TMEM117: variants seen among roughly 807,000 people sequenced by gnomAD.
The protein encoded by TMEM117 is transmembrane protein 117.
A neutral mutation model predicts 52.4 loss-of-function variants in TMEM117; 27 were observed. The observed-to-expected ratio is 0.51, with a 90% CI of 0.38 to 0.71. The LOEUF (loss-of-function observed/expected upper bound fraction) is 0.71. Ranked by LOEUF, TMEM117 falls within the 30% of genes least tolerant of loss-of-function variation. The pLI is 0.00. For missense variants in TMEM117, 556 were observed against 630.5 expected (o/e 0.88, Z 1.26); for synonymous variants, 215 against 206.3 (o/e 1.04, Z -0.36).
chr12:44,209,186 G>T (rs911020204), intron 4 of TMEM117, among the ~76,000 whole-genome samples: 2 of 152,054 alleles, frequency 1.3e-5, no homozygotes, highest in African/African-American at 4.8e-5. Flanking sequence ...GAGAAGTTAC[G>T]ATATAAAGCT....
In TMEM117 at chr12:43,895,060, T is replaced by A. The variant is rs144621269; in HGVS notation, c.278-49150T>A. 5.9e-3 allele frequency among the ~76,000 whole-genome samples: 898 copies of A among 152,322 alleles called. 9 individuals are homozygous for A. The highest frequency in any genetic ancestry group is 0.02 in the African/African-American group (823 of 41,568). On this transcript the variant is annotated intron_variant, in intron 2 of 7. Coordinates refer to ENST00000266534, the MANE Select transcript of TMEM117 (RefSeq NM_032256.3). ...TTGTTACATAAGTAAACTTGTGTCATGGGGGTTTGTTGTGCAGATTATTTC... is the reference window on the plus strand; with the variant it reads ...TTGTTACATAAGTAAACTTGTGTCAAGGGGGTTTGTTGTGCAGATTATTTC...
rs557271028 is a variant in TMEM117, at chr12:44,340,029, G to A, written c.769-36566G>A. Among the ~76,000 whole-genome samples, 8 of 152,092 alleles carry A rather than the reference G, an allele frequency of 5.3e-5. No individual in the cohort carries two copies. In the East Asian group the frequency reaches 5.8e-4, roughly 11 times the overall value. Reference sequence around the variant, plus strand: ...GCTAAAATAGTTTTTGCATTAAAAAGAAATAGAGAAGTTAACTGGATTAGG... The same window carrying A: ...GCTAAAATAGTTTTTGCATTAAAAAAAAATAGAGAAGTTAACTGGATTAGG... On this transcript the variant is annotated intron_variant, in intron 6 of 7. Transcript: ENST00000266534.
rs1943172611 is a variant in TMEM117, at chr12:43,844,814, A to G, written c.163A>G (p.Thr55Ala). 1 of 1,614,068 alleles carries G rather than the reference A, an allele frequency of 6.2e-7. No homozygotes were observed. Among genetic ancestry groups the G allele is most frequent in the South Asian group, 1.1e-5 (1 of 91,088 alleles). ...TGTTGGAAACTGTTTTTCATTTGTT[A>G]CAAATAAATACCCTAGAGGAGTTGG... ...IVVGNCFSFV[T>A]NKYPRGVGWR... is the part of the protein sequence containing the mutation. Residue 55 changes from threonine (T) to alanine (A), a missense_variant, in exon 2 of 8, where the codon ACA becomes GCA. By Grantham distance (58) the Thr-to-Ala change is moderately conservative (BLOSUM62 0). Around this residue, in one of 3 missense-constraint regions of TMEM117, gnomAD observed 328 missense variants for 371.4 expected, o/e 0.88. Transcript: ENST00000266534.
At chr12:44,121,617 A>G (rs534606439) in intron 3 of TMEM117, among the ~76,000 whole-genome samples, 1 of 152,170 alleles carries the variant, frequency 6.6e-6, no homozygotes, top group Non-Finnish European at 1.5e-5. Context: ...TTAATTATTT[A>G]TGTTATCGGT....
chr12:44,127,022 T>A (rs895476190), intron 3 of TMEM117, among the ~76,000 whole-genome samples: 26 of 152,206 alleles, frequency 1.7e-4, no homozygotes, highest in African/African-American at 6.0e-4. Flanking sequence ...TCCCACAGTT[T>A]AAATGATAAA....
chr12:44,205,374 C>G (rs1030436423), intron 4 of TMEM117, among the ~76,000 whole-genome samples: 2 of 152,086 alleles, frequency 1.3e-5, no homozygotes, highest in African/African-American at 2.4e-5. Context: ...TGAGACCTTC[C>G]CAGCCATGTG....
At chr12:43,906,313 A>G (rs1944386448) in intron 2 of TMEM117, among the ~76,000 whole-genome samples, 1 of 152,214 alleles carries the variant, frequency 6.6e-6, no homozygotes, top group African/African-American at 2.4e-5. Flanking sequence ...AAATACAAAA[A>G]TTAGCTGGGC....
At chr12:43,909,198 C>G (rs1245093169) in intron 2 of TMEM117, among the ~76,000 whole-genome samples, 1 of 60,884 alleles carries the variant, frequency 1.6e-5, no homozygotes, top group African/African-American at 3.2e-5. Context: ...GAATCTCACT[C>G]AAAGCCGCTC....
At chr12:43,813,545 T>C in the TMEM117 span, among the ~76,000 whole-genome samples, 1 of 152,022 alleles carries the variant, frequency 6.6e-6, no homozygotes, top group African/African-American at 2.4e-5. Flanking sequence ...GTTTTCTTTC[T>C]TACCTTTCAA....
chr12:44,375,445 C>T (rs1471589471), intron 6 of TMEM117, among the ~76,000 whole-genome samples: 3 of 152,272 alleles, frequency 2.0e-5, no homozygotes, highest in East Asian at 3.9e-4. Flanking sequence ...AGGCTTTCCT[C>T]GTTATTGCCA....
chr12:43,984,511 A>G (rs12306662), intron 3 of TMEM117, among the ~76,000 whole-genome samples: 20,240 of 152,132 alleles, frequency 0.13, 2,314 homozygotes, highest in African/African-American at 0.32. Context: ...GACTCTTTCC[A>G]CTGCAGTTAA....
chr12:43,818,269 A>G, the TMEM117 span, among the ~76,000 whole-genome samples: 1 of 152,238 alleles, frequency 6.6e-6, no homozygotes, highest in Non-Finnish European at 1.5e-5. Context: ...GAAAGTACAT[A>G]TAAGTAAGTA....
chr12:43,833,583 C>T (rs183943262), upstream of TMEM117, among the ~76,000 whole-genome samples: 6 of 152,016 alleles, frequency 3.9e-5, no homozygotes, highest in East Asian at 1.9e-4. Context: ...GGTTTGAGGC[C>T]AGGAGTTCAC....
At position 44,253,835 on chromosome 12, in the gene TMEM117, T is replaced by TACACACAC. The variant is rs10565033; in HGVS notation, c.608+42483_608+42490dup. On this transcript the variant is annotated intron_variant, in intron 5 of 7. Coordinates refer to ENST00000266534, the MANE Select transcript of TMEM117 (RefSeq NM_032256.3). Reference sequence around the variant, plus strand: ...GCTACTGTGCTATACTGATAATTCCTACACACACACACACACACACACACA... The same window carrying TACACACAC: ...GCTACTGTGCTATACTGATAATTCCTACACACACACACACACACACACACACACACACA... Among the ~76,000 whole-genome samples the TACACACAC allele has an allele frequency of 7.0e-3, 954 of 136,310 alleles. 8 individuals carry two copies. The highest frequency in any genetic ancestry group is 0.018 in the African/African-American group (687 of 37,906). The allele number at this position is 136,310 out of a possible 152,430, so 89.4% of individuals were successfully genotyped here.
chr12:44,268,388 C>A (rs1950405329), intron 5 of TMEM117, among the ~76,000 whole-genome samples: 1 of 151,998 alleles, frequency 6.6e-6, no homozygotes, highest in South Asian at 2.1e-4. Flanking sequence ...AGGTGATCCA[C>A]CCGCCTCGGC....
At chr12:44,048,721 A>G (rs1350782056) in intron 3 of TMEM117, among the ~76,000 whole-genome samples, 2 of 152,228 alleles carry the variant, frequency 1.3e-5, no homozygotes, top group Non-Finnish European at 2.9e-5. Flanking sequence ...TGATAGAGTA[A>G]TACCGTTGGC....
intron 2 of TMEM117, among the ~76,000 whole-genome samples, chr12:43,917,618 A>G (rs1325177202): frequency 6.6e-6 from 1 of 151,768 alleles, no homozygotes; most frequent in East Asian, 1.9e-4. Context: ...TATCATAAAC[A>G]TAAACATTTT....
At chr12:44,251,357 C>T (rs1950195362) in intron 5 of TMEM117, among the ~76,000 whole-genome samples, 1 of 152,156 alleles carries the variant, frequency 6.6e-6, no homozygotes, top group Non-Finnish European at 1.5e-5. Context: ...GATGTGAAAG[C>T]TTGTTGCTTT....
intron 2 of TMEM117, among the ~76,000 whole-genome samples, chr12:43,934,598 T>G (rs1177123825): frequency 6.6e-6 from 1 of 152,302 alleles, no homozygotes; most frequent in African/African-American, 2.4e-5. Context: ...GCTTTTATTT[T>G]CCTTTTTTTT....
Sources: allele counts gnomAD v4.1 joint callset (sites outside exome capture counted in the v4.1 genomes callset), GRCh38; gene constraint gnomAD v4.1.1; regional missense constraint gnomAD v4.1.1; transcripts MANE v1.5; gene names NCBI Gene and HGNC (gene_info 2026-07-23, HGNC 2026-07-21).